DDX4: variants seen among roughly 807,000 people sequenced by gnomAD.
DDX4 encodes the protein probable ATP-dependent RNA helicase DDX4.
A neutral mutation model predicts 100.0 loss-of-function variants in DDX4; 25 were observed. That is an observed-to-expected ratio of 0.25 (90% CI 0.18 to 0.35). The LOEUF is 0.35. Among genes scored for constraint, DDX4 ranks in the 10% least tolerant of loss-of-function variants. The probability of loss-of-function intolerance (pLI) is 1.00; values close to 1 mark genes in which losing one functional copy is unlikely to be tolerated. For missense variants in DDX4, 635 were observed against 882.4 expected, an observed-to-expected ratio of 0.72 and a Z score of 3.55; for synonymous variants, 259 against 275.7, an observed-to-expected ratio of 0.94 and a Z score of 0.60.
intron 18 of DDX4, among the ~76,000 whole-genome samples, chr5:55,803,579 G>C (rs1561514504): frequency 7.0e-6 from 1 of 143,338 alleles, no homozygotes; most frequent in Non-Finnish European, 1.5e-5. Context: ...TGCGGTGTTT[G>C]GTTTTTTGTT....
chr5:55,767,296 C>A (rs1306652180), intron 6 of DDX4, among the ~76,000 whole-genome samples: 2 of 152,136 alleles, frequency 1.3e-5, no homozygotes, highest in Non-Finnish European at 2.9e-5. Flanking sequence ...CAAAAATTAG[C>A]CAGGCATGGT....
chr5:55,765,943 T>G (rs973477146), intron 6 of DDX4, among the ~76,000 whole-genome samples: 2 of 151,712 alleles, frequency 1.3e-5, no homozygotes, highest in African/African-American at 4.8e-5. Context: ...TAGCTGGGAT[T>G]ACAGGGGCCC....
chr5:55,767,168 A>G (rs1318470950), intron 6 of DDX4, among the ~76,000 whole-genome samples: 1 of 152,196 alleles, frequency 6.6e-6, no homozygotes, highest in Non-Finnish European at 1.5e-5. Context: ...GGCCGGGTGT[A>G]GTGGCTCACG....
chr5:55,781,794 AT>A, intron 9 of DDX4, 139 bp from the exon 10 acceptor site: 1 of 938,066 alleles, frequency 1.1e-6, no homozygotes, highest in East Asian at 2.7e-5. Flanking sequence ...AAAAAGTTAA[AT>A]CTAAAATTAA....
intron 2 of DDX4, 70 bp from the exon 3 acceptor site, chr5:55,746,094 T>G: frequency 8.4e-7 from 1 of 1,197,218 alleles, no homozygotes. Flanking sequence ...AATTTTCTAG[T>G]ATTTGTGAAA....
intron 17 of DDX4, among the ~76,000 whole-genome samples, chr5:55,797,943 G>A (rs1743066092): frequency 6.6e-6 from 1 of 152,142 alleles, no homozygotes; most frequent in African/African-American, 2.4e-5. Flanking sequence ...CTAAGATCTG[G>A]TTTGCTTGAA....
At chr5:55,743,810 G>T (rs1242928377) in intron 2 of DDX4, among the ~76,000 whole-genome samples, 1 of 151,564 alleles carries the variant, frequency 6.6e-6, no homozygotes, top group Non-Finnish European at 1.5e-5. Flanking sequence ...GAATTTGTAA[G>T]TTGGATGTAT....
chr5:55,809,059 C>T (rs940286420), intron 18 of DDX4, among the ~76,000 whole-genome samples: 1 of 152,224 alleles, frequency 6.6e-6, no homozygotes, highest in African/African-American at 2.4e-5. Context: ...GCAGTTTGAT[C>T]TCAGACTGCT....
chr5:55,760,679 A>G (rs1294963764), intron 4 of DDX4, among the ~76,000 whole-genome samples: 2 of 152,164 alleles, frequency 1.3e-5, no homozygotes, highest in African/African-American at 4.8e-5. Context: ...TATAGGAAAC[A>G]TTTGTTAGCT....
At chr5:55,780,301 T>TTAATA (rs1272002109) in intron 8 of DDX4, among the ~76,000 whole-genome samples, 16 of 152,212 alleles carry the variant, frequency 1.1e-4, no homozygotes, top group Admixed American at 2.6e-4. Context: ...ACTCAGTACT[T>TTAATA]TAATATTACA....
chr5:55,751,558 C>T (rs893744228), intron 3 of DDX4, among the ~76,000 whole-genome samples: 10 of 152,330 alleles, frequency 6.6e-5, no homozygotes, highest in African/African-American at 2.4e-4. Context: ...ATGCATGTAT[C>T]TGACTGTCTC....
At chr5:55,753,657 T>G in intron 3 of DDX4, among the ~76,000 whole-genome samples, 1 of 147,634 alleles carries the variant, frequency 6.8e-6, no homozygotes, top group Non-Finnish European at 1.5e-5. Flanking sequence ...CGATGCGGGC[T>G]CTTTTTTGGT....
At position 55,785,488 on chromosome 5, in the gene DDX4, A is replaced by G. The variant is rs199749889; in HGVS notation, c.715A>G (p.Thr239Ala). The change falls in exon 12 of 22, where the codon ACT becomes GCT. Residue 239 changes from threonine (T) to alanine (A), a missense_variant. Physicochemically the swap from Thr to Ala is moderately conservative, Grantham distance 58. This residue lies in a region of DDX4 where 446 missense variants were observed against 540.8 expected (regional missense o/e 0.82). Transcript: ENST00000505374. ...SEAEGGESSDTQGPKVTYIPP... is the reference protein window; with the variant it reads ...SEAEGGESSDAQGPKVTYIPP... ...AGCAGAAGGAGGAGAAAGTAGTGAT[A>G]CTCAAGGTATATTAACATTTGTGTG... 1.9e-6 allele frequency: 3 copies of G among 1,601,458 alleles called. No individual in the cohort carries two copies. The African/African-American group carries it at 4.0e-5, about 21-fold the overall frequency.
At chr5:55,786,724 C>T (rs1230192780) in intron 14 of DDX4, 54 bp downstream of exon 14, 2 of 1,443,538 alleles carry the variant, frequency 1.4e-6, no homozygotes, top group Non-Finnish European at 1.9e-6. Flanking sequence ...TTTGGTTCTT[C>T]CTTAGTAACT....
At chr5:55,814,819 A>G in intron 19 of DDX4, 82 bp from the exon 20 acceptor site, 1 of 1,476,404 alleles carries the variant, frequency 6.8e-7, no homozygotes, top group South Asian at 1.3e-5. Flanking sequence ...ATTATTAAAA[A>G]GAAATTTGTA....
intron 18 of DDX4, 37 bp from the exon 19 acceptor site, chr5:55,813,636 T>C (rs766255449): frequency 6.6e-7 from 1 of 1,514,142 alleles, no homozygotes; most frequent in East Asian, 2.4e-5. Context: ...TTTCCTGATT[T>C]TGAAGTTTGA....
rs761235026 is a variant in DDX4, at chr5:55,767,067, T to C, written c.335-814T>C. 4 of 1,409,228 alleles carry C rather than the reference T, an allele frequency of 2.8e-6. No individual in the cohort carries two copies. In the Admixed American group the frequency reaches 1.2e-4, roughly 42 times the overall value. 87.3% of individuals were successfully genotyped at this position (1,409,228 alleles called of 1,614,324 possible). A position where few individuals can be genotyped will look rare whatever the true frequency, so the allele number is the denominator to read the frequency against. ...TATCAAAAATGGAGAAGCTAGGATA[T>C]CCCCAAATTATTTCATTAGCATGAA... On this transcript the variant is annotated intron_variant, in intron 6 of 21. Transcript: ENST00000505374.
At chr5:55,761,603 C>CTT (rs34702955) in intron 4 of DDX4, among the ~76,000 whole-genome samples, 12 of 148,374 alleles carry the variant, frequency 8.1e-5, no homozygotes, top group African/African-American at 2.2e-4. Flanking sequence ...ATATAGTTTC[C>CTT]TTTTTTTTTT....
rs142252826 is a variant in DDX4 at position 55,745,511 on chromosome 5, C to T, written c.70-653C>T. Among the ~76,000 whole-genome samples, 146 of 152,218 alleles carry T rather than the reference C, an allele frequency of 9.6e-4. 1 individual carries two copies. The highest frequency in any genetic ancestry group is 3.3e-3 in the African/African-American group (135 of 41,516). On this transcript the variant is annotated intron_variant, in intron 2 of 21. Transcript: ENST00000505374. ...GATCTCAGCTCACTTCAACTTCTGC[C>T]TCCCAGGCGAAGTGAACCTCCCATC...
Sources: allele counts gnomAD v4.1 joint callset (sites outside exome capture counted in the v4.1 genomes callset), GRCh38; gene constraint gnomAD v4.1.1; regional missense constraint gnomAD v4.1.1; transcripts MANE v1.5; gene names NCBI Gene and HGNC (gene_info 2026-07-23, HGNC 2026-07-21).